The following TGM5 variants were observed in gnomAD, a reference collection of about 807,000 sequenced individuals.
TGM5 encodes the protein protein-glutamine gamma-glutamyltransferase 5.
TGM5 carries 69 observed loss-of-function variants against 77.2 expected under a neutral mutation model. The ratio of observed to expected loss-of-function variants is 0.89; its 90% CI spans 0.74 to 1.09. The LOEUF (loss-of-function observed/expected upper bound fraction) is 1.09, where lower values mean the gene tolerates loss of function less well. TGM5 is among the 50% of genes least tolerant of loss of function. The pLI, the probability that TGM5 is intolerant of heterozygous loss-of-function variation, is 0.00. For missense variants in TGM5, 842 were observed against 896.5 expected (o/e 0.94, Z 0.78); for synonymous variants, 346 against 351.8 (o/e 0.98, Z 0.18).
At chr15:43,244,541 C>A (rs1223823811) in intron 6 of TGM5, among the ~76,000 whole-genome samples, 1 of 152,126 alleles carries the variant, frequency 6.6e-6, no homozygotes. Flanking sequence ...CAAAGGTGAA[C>A]GAGATCTCAG....
At chr15:43,238,679 C>A in intron 9 of TGM5, 138 bp downstream of exon 9, 1 of 1,369,536 alleles carries the variant, frequency 7.3e-7, no homozygotes, top group East Asian at 2.5e-5. Context: ...TGAGGCCACC[C>A]CAACTGGGGC....
Position 43,256,705 on chromosome 15 carries a change from G to A in TGM5, c.437-19C>T. ...GCATCCTCTAGGAACCAGAGTGGGAGGGCACGAAGCAGAAAAGTCACCTTT... is the reference window on the plus strand; with the variant it reads ...GCATCCTCTAGGAACCAGAGTGGGAAGGCACGAAGCAGAAAAGTCACCTTT... On this transcript the variant is annotated intron_variant, in intron 3 of 12. Coordinates refer to ENST00000220420, the MANE Select transcript of TGM5 (RefSeq NM_201631.4). 2 of 1,562,372 alleles carry A rather than the reference G, an allele frequency of 1.3e-6. No individual in the cohort carries two copies. The highest frequency in any genetic ancestry group is 1.1e-5 in the South Asian group (1 of 89,984).
At chr15:43,245,763 A>G (rs189493326) in intron 6 of TGM5, among the ~76,000 whole-genome samples, 2 of 152,226 alleles carry the variant, frequency 1.3e-5, no homozygotes, top group Non-Finnish European at 2.9e-5. Flanking sequence ...GGAGCAAAGC[A>G]CAGCATGTAG....
intron 1 of TGM5, among the ~76,000 whole-genome samples, chr15:43,263,592 G>T (rs897139680): frequency 6.6e-6 from 1 of 152,020 alleles, no homozygotes; most frequent in Non-Finnish European, 1.5e-5. Context: ...GTGGTGCTGG[G>T]ACAAGTGGAT....
Position 43,235,928 on chromosome 15 carries a change from C to T in TGM5, c.1346-91G>A, listed in dbSNP as rs2042587275. On this transcript the variant is annotated intron_variant, in intron 9 of 12. Coordinates refer to ENST00000220420, the MANE Select transcript of TGM5 (RefSeq NM_201631.4). Reference sequence around the variant, plus strand: ...GCCATCCCCCACCCAATATCTCCACCAACAACTTCAGGCCTTCACTCCCAG... The same window carrying T: ...GCCATCCCCCACCCAATATCTCCACTAACAACTTCAGGCCTTCACTCCCAG... 15 of 1,562,392 alleles carry T rather than the reference C, an allele frequency of 9.6e-6. No individual in the cohort carries two copies. In the South Asian group the frequency reaches 1.2e-4, roughly 13 times the overall value.
intron 1 of TGM5, among the ~76,000 whole-genome samples, chr15:43,265,793 T>A (rs1174345978): frequency 1.3e-5 from 2 of 152,186 alleles, no homozygotes; most frequent in African/African-American, 4.8e-5. Context: ...GAAAACAACC[T>A]AAATGCCCAT....
chr15:43,256,608 C>G lies in TGM5; in HGVS notation c.515G>C (p.Ser172Thr). ...MNDYGFIYQG[S>T]KNWIRPCPWN... is the part of the protein sequence containing the mutation. The stretch of plus-strand genomic sequence containing the variant: ...GGGACATGGGCGGATCCAGTTCTTG[C>G]TGCCTTGGTAGATGAAGCCATAATC... Residue 172 changes from serine to threonine, a missense_variant, in exon 4 of 13, where the codon AGC becomes ACC. Around this residue, in one of 2 missense-constraint regions of TGM5, gnomAD observed 815 missense variants for 844.6 expected, o/e 0.96. Coordinates refer to ENST00000220420, the MANE Select transcript of TGM5 (RefSeq NM_201631.4). 1 of 1,614,174 alleles carries G rather than the reference C, an allele frequency of 6.2e-7. No individual in the cohort carries two copies. The highest frequency in any genetic ancestry group is 8.5e-7 in the Non-Finnish European group (1 of 1,180,022).
At chr15:43,246,703 A>C (rs918505119) in intron 6 of TGM5, among the ~76,000 whole-genome samples, 1 of 152,176 alleles carries the variant, frequency 6.6e-6, no homozygotes, top group African/African-American at 2.4e-5. Flanking sequence ...AGAGAGCTGA[A>C]CAGAGAGAGT....
Position 43,260,483 on chromosome 15 carries a change from C to A in TGM5, c.107G>T (p.Gly36Val), listed in dbSNP as rs148043109. 6.8e-6 allele frequency: 11 copies of A among 1,614,062 alleles called. No homozygotes were observed. In the African/African-American group the frequency reaches 8.0e-5, roughly 12 times the overall value. Residue 36 changes from glycine (G) to valine (V), a missense_variant, in exon 2 of 13, where the codon GGC becomes GTC. By Grantham distance (109) the Gly-to-Val change is moderately radical. Around this residue, in one of 2 missense-constraint regions of TGM5, gnomAD observed 815 missense variants for 844.6 expected, o/e 0.96. Transcript: ENST00000220420. ...ITVDHLLVRR[G>V]QAFNLTLYFR... ...GTACAGGGTGAGGTTGAAGGCCTGG[C>A]CCCGGCGAACAAGCAGGTGGTCCAC...
chr15:43,245,710 T>A (rs1339736281), intron 6 of TGM5, among the ~76,000 whole-genome samples: 1 of 152,000 alleles, frequency 6.6e-6, no homozygotes, highest in Non-Finnish European at 1.5e-5. Context: ...TGAGCACTGT[T>A]TACAGAGAAA....
chr15:43,238,795 T>A, intron 9 of TGM5, 22 bp downstream of exon 9: 1 of 1,612,674 alleles, frequency 6.2e-7, no homozygotes, highest in South Asian at 1.1e-5. Flanking sequence ...GGGCTCTGAG[T>A]AGGGCTGGCT....
Position 43,240,734 on chromosome 15 carries a change from G to T in TGM5, c.1001+118C>A, listed in dbSNP as rs1401281699. ...GGGGTGGGTGGGGGAGGGTGAGGGG[G>T]TGTGGAGGAGGTGAAGGGGAGGGAC... On this transcript the variant is annotated intron_variant, in intron 7 of 12. Coordinates refer to ENST00000220420, the MANE Select transcript of TGM5 (RefSeq NM_201631.4). The T allele has an allele frequency of 1.9e-5, 25 of 1,317,146 alleles. No individual in the cohort carries two copies. The Admixed American group carries it at 3.3e-4, about 17-fold the overall frequency. The allele number at this position is 1,317,146 out of a possible 1,614,324, so 81.6% of individuals were successfully genotyped here.
intron 3 of TGM5, among the ~76,000 whole-genome samples, chr15:43,257,310 G>A (rs571338972): frequency 2.6e-5 from 4 of 152,320 alleles, no homozygotes; most frequent in South Asian, 4.1e-4. Flanking sequence ...CCATAGAGAC[G>A]TAAGGCAGCA....
At position 43,233,142 on chromosome 15, in the gene TGM5, C is replaced by G; in HGVS notation, c.*49G>C. On this transcript the variant is annotated 3_prime_UTR_variant, in exon 13 of 13. Coordinates refer to ENST00000220420, the MANE Select transcript of TGM5 (RefSeq NM_201631.4). ...GGCGCAGCTTGCATTTGAACTTGCT[C>G]CTTTTCCTGAAGCTTGAAATTCACA... The G allele has an allele frequency of 1.9e-6, 3 of 1,611,332 alleles. No homozygotes were observed. The highest frequency in any genetic ancestry group is 2.5e-6 in the Non-Finnish European group (3 of 1,178,734).
At chr15:43,248,622 C>T (rs958679833) in intron 6 of TGM5, among the ~76,000 whole-genome samples, 3 of 152,216 alleles carry the variant, frequency 2.0e-5, no homozygotes, top group African/African-American at 7.2e-5. Context: ...AGTCAACAAC[C>T]TTACGAGGGA....
chr15:43,261,867 C>A lies in TGM5; in HGVS notation c.11-1288G>T, dbSNP rs1206711302. ...ATCTCTTAATGCATTATCAGATTAC[C>A]TTTCCTCAAGACAATTTAATCATGC... On this transcript the variant is annotated intron_variant, in intron 1 of 12. Transcript: ENST00000220420. Among the ~76,000 whole-genome samples, 4 of 152,120 alleles carry A rather than the reference C, an allele frequency of 2.6e-5. No individual in the cohort carries two copies. The East Asian group carries it at 7.7e-4, about 29-fold the overall frequency.
Position 43,233,034 on chromosome 15 carries a change from G to A in TGM5, c.*157C>T, listed in dbSNP as rs1268285217. 4 of 904,066 alleles carry A rather than the reference G, an allele frequency of 4.4e-6. No homozygotes were observed. Among genetic ancestry groups the A allele is most frequent in the Non-Finnish European group, 6.7e-6 (4 of 596,996 alleles). The allele number at this position is 904,066 out of a possible 1,614,324, so 56.0% of individuals were successfully genotyped here. Reference sequence around the variant, plus strand: ...TCATGGAGCTTAAATTTCTAGTGGAGTCAGGAGAGACAGAAAATGAACACG... The same window carrying A: ...TCATGGAGCTTAAATTTCTAGTGGAATCAGGAGAGACAGAAAATGAACACG... On this transcript the variant is annotated 3_prime_UTR_variant, in exon 13 of 13. Transcript: ENST00000220420.
intron 7 of TGM5, among the ~76,000 whole-genome samples, chr15:43,240,384 A>G (rs2042625990): frequency 6.6e-6 from 1 of 152,230 alleles, no homozygotes; most frequent in South Asian, 2.1e-4. Flanking sequence ...TAGACTAAGC[A>G]TAAAAATGGA....
In TGM5 at chr15:43,260,486, C is replaced by T. The variant is rs749224503; in HGVS notation, c.104G>A (p.Arg35Gln). ...CAGGGTGAGGTTGAAGGCCTGGCCC[C>T]GGCGAACAAGCAGGTGGTCCACAGT... ...EITVDHLLVR[R>Q]GQAFNLTLYF... Residue 35 changes from arginine (R) to glutamine (Q), a missense_variant, in exon 2 of 13, where the codon CGG becomes CAG. Around this residue, in one of 2 missense-constraint regions of TGM5, gnomAD observed 815 missense variants for 844.6 expected, o/e 0.96. Transcript: ENST00000220420. 131 of 1,614,032 alleles carry T rather than the reference C, an allele frequency of 8.1e-5. No homozygotes were observed. Among genetic ancestry groups the T allele is most frequent in the Non-Finnish European group, 1.1e-4 (128 of 1,180,044 alleles).
Sources: gnomAD v4.1 joint callset for allele counts (sites outside exome capture counted in the v4.1 genomes callset) on GRCh38, gnomAD v4.1.1 for gene constraint, gnomAD v4.1.1 regional missense constraint, MANE v1.5 for transcripts, NCBI Gene and HGNC (gene_info 2026-07-23, HGNC 2026-07-21) for gene names.